The following PTCD3 variants were observed in gnomAD, a reference collection of about 807,000 sequenced individuals.
The protein encoded by PTCD3 is pentatricopeptide repeat domain 3.
In PTCD3, 89 loss-of-function variants were observed where a neutral mutation model predicts 101.9. The observed-to-expected ratio is 0.87, with a 90% CI of 0.74 to 1.04. The LOEUF (loss-of-function observed/expected upper bound fraction) is 1.04. Among genes scored for constraint, PTCD3 ranks in the 50% least tolerant of loss-of-function variants. The pLI is 0.00. For missense variants in PTCD3, 870 were observed against 828.2 expected (o/e 1.05, Z -0.62); for synonymous variants, 296 against 278.5 (o/e 1.06, Z -0.63).
intron 7 of PTCD3, 136 bp from the exon 8 acceptor site, chr2:86,121,343 C>T (rs1674276781): frequency 1.9e-6 from 1 of 523,004 alleles, no homozygotes; most frequent in South Asian, 3.1e-5. Flanking sequence ...ACGTTGAGTG[C>T]ATAAAGTAGT....
intron 14 of PTCD3, among the ~76,000 whole-genome samples, chr2:86,129,277 T>C (rs1337352700): frequency 6.6e-6 from 1 of 152,254 alleles, no homozygotes; most frequent in African/African-American, 2.4e-5. Context: ...TCAGATGTAC[T>C]TACATTTCCT....
chr2:86,132,184 A>G (rs1674505133), intron 16 of PTCD3, 134 bp from the exon 17 acceptor site: 2 of 562,966 alleles, frequency 3.6e-6, no homozygotes, highest in South Asian at 2.8e-5. Context: ...CCCATTTCTT[A>G]TAACTTACTT....
chr2:86,130,263 G>A (rs1016152475), intron 14 of PTCD3, among the ~76,000 whole-genome samples: 2 of 152,022 alleles, frequency 1.3e-5, no homozygotes, highest in African/African-American at 4.8e-5. Flanking sequence ...TTGTGCCATC[G>A]CACTCCAGCC....
intron 3 of PTCD3, among the ~76,000 whole-genome samples, chr2:86,110,518 T>G (rs1159138205): frequency 6.6e-6 from 1 of 152,236 alleles, no homozygotes; most frequent in Non-Finnish European, 1.5e-5. Flanking sequence ...CAGTGAAGCC[T>G]TTTCTAATAG....
intron 16 of PTCD3, among the ~76,000 whole-genome samples, chr2:86,132,051 T>G (rs1196397231): frequency 6.6e-6 from 1 of 152,264 alleles, no homozygotes; most frequent in African/African-American, 2.4e-5. Context: ...GTCCAGACTC[T>G]GCAGTGCAGG....
At chr2:86,127,422 T>A in intron 13 of PTCD3, 117 bp downstream of exon 13, 1 of 1,270,876 alleles carries the variant, frequency 7.9e-7, no homozygotes, top group Non-Finnish European at 1.1e-6. Flanking sequence ...GTTGGAAATT[T>A]TCTTTCCATG....
At chr2:86,114,485 T>G (rs1359727683) in intron 4 of PTCD3, among the ~76,000 whole-genome samples, 1 of 152,198 alleles carries the variant, frequency 6.6e-6, no homozygotes, top group Non-Finnish European at 1.5e-5. Flanking sequence ...AGACGGAGTT[T>G]CACTGTGTTA....
intron 16 of PTCD3, among the ~76,000 whole-genome samples, chr2:86,131,335 G>A (rs1168079438): frequency 6.6e-6 from 1 of 152,020 alleles, no homozygotes; most frequent in African/African-American, 2.4e-5. Context: ...CTGGGTTCAA[G>A]CGATTCTCCT....
intron 13 of PTCD3, 70 bp from the exon 14 acceptor site, chr2:86,127,871 G>A: frequency 8.3e-7 from 1 of 1,207,828 alleles, no homozygotes; most frequent in Non-Finnish European, 1.2e-6. Context: ...GTGTGTCTCA[G>A]TAAACTATGT....
chr2:86,125,832 A>G lies in PTCD3; in HGVS notation c.903A>G (p.Thr301=). The change falls in exon 12 of 24, where the codon ACA becomes ACG. Residue 301 remains threonine, a synonymous_variant. Coordinates refer to ENST00000254630, the MANE Select transcript of PTCD3 (RefSeq NM_017952.6). The stretch of plus-strand genomic sequence containing the variant: ...CATTTAATGCATTGATTGAAGCAAC[A>G]GTATGTGCGATAAATGAGAAATTTG... ...VYTFNALIEA[T]VCAINEKFEE... 6.2e-7 allele frequency: 1 copy of G among 1,609,790 alleles called. No individual in the cohort carries two copies. The highest frequency in any genetic ancestry group is 8.5e-7 in the Non-Finnish European group (1 of 1,176,080).
intron 12 of PTCD3, among the ~76,000 whole-genome samples, chr2:86,126,691 G>T (rs148849639): frequency 1.3e-5 from 2 of 152,012 alleles, no homozygotes; most frequent in Non-Finnish European, 2.9e-5. Flanking sequence ...ACAAAAATTA[G>T]CCGGGCATAG....
At chr2:86,112,081 G>A (rs767239291) in intron 4 of PTCD3, 1 of 146,818 alleles carries the variant, frequency 6.8e-6, no homozygotes, top group Non-Finnish European at 1.5e-5. Flanking sequence ...TTTTGAGACG[G>A]AGTCTTGCTG....
intron 4 of PTCD3, among the ~76,000 whole-genome samples, chr2:86,114,432 C>T (rs1674144477): frequency 6.6e-6 from 1 of 152,166 alleles, no homozygotes; most frequent in Non-Finnish European, 1.5e-5. Context: ...GGACTACAGG[C>T]GCCCCCACCC....
chr2:86,136,423 AG>A (rs1204653424), intron 21 of PTCD3, 97 bp from the exon 22 acceptor site: 23 of 1,187,888 alleles, frequency 1.9e-5, no homozygotes, highest in Non-Finnish European at 2.9e-5. Context: ...AGTTAAGAAA[AG>A]GGCATTTAGT....
intron 16 of PTCD3, 54 bp from the exon 17 acceptor site, chr2:86,132,264 G>T: frequency 9.3e-7 from 1 of 1,075,646 alleles, no homozygotes; most frequent in Non-Finnish European, 1.4e-6. Flanking sequence ...ATTTATTTGT[G>T]AACCACTGGC....
intron 14 of PTCD3, 85 bp downstream of exon 14, chr2:86,128,076 T>G: frequency 9.2e-7 from 1 of 1,089,066 alleles, no homozygotes; most frequent in Non-Finnish European, 1.4e-6. Context: ...TGTAGTTATC[T>G]TCTCTGCATA....
chr2:86,121,161 T>C (rs1674272724), intron 7 of PTCD3, among the ~76,000 whole-genome samples: 1 of 152,196 alleles, frequency 6.6e-6, no homozygotes, highest in African/African-American at 2.4e-5. Flanking sequence ...TAGTTTGCAG[T>C]GTGTTCAGTT....
Position 86,139,702 on chromosome 2 carries a change from C to T in PTCD3, c.*2143C>T, listed in dbSNP as rs1674650913. The T allele has an allele frequency of 6.6e-6, 1 of 151,506 alleles. No homozygotes were observed. The highest frequency in any genetic ancestry group is 2.4e-5 in the African/African-American group (1 of 41,146). The allele number at this position is 151,506 out of a possible 1,614,324, so 9.4% of individuals were successfully genotyped here. ...CCTGTAATCCCAGCTACTCTGGAGA[C>T]AGGTGGAGGGGATTGCTTGAGCCTG... On this transcript the variant is annotated 3_prime_UTR_variant, in exon 24 of 24. Transcript: ENST00000254630.
At chr2:86,126,676 A>G (rs1674398149) in intron 12 of PTCD3, among the ~76,000 whole-genome samples, 1 of 152,022 alleles carries the variant, frequency 6.6e-6, no homozygotes, top group South Asian at 2.1e-4. Context: ...CTCTACTACA[A>G]AAATACAAAA....
Sources: gnomAD v4.1 joint callset for allele counts (sites outside exome capture counted in the v4.1 genomes callset) on GRCh38, gnomAD v4.1.1 for gene constraint, MANE v1.5 for transcripts, NCBI Gene and HGNC (gene_info 2026-07-23, HGNC 2026-07-21) for gene names.